The following PPP6R3 variants were observed in gnomAD, a reference collection of about 807,000 sequenced individuals.
PPP6R3 encodes the protein serine/threonine-protein phosphatase 6 regulatory subunit 3.
Under a neutral mutation model 110.7 loss-of-function variants are expected in PPP6R3, and 38 were observed. The observed-to-expected ratio is 0.34, with a 90% CI of 0.26 to 0.45. PPP6R3 has a LOEUF of 0.45. Among genes scored for constraint, PPP6R3 ranks in the 20% least tolerant of loss-of-function variants. The pLI is 1.00. For synonymous variants in PPP6R3, 369 were observed against 373.5 expected (o/e 0.99, Z 0.14); for missense variants, 870 against 1,062.4 (o/e 0.82, Z 2.52).
rs1170549277 is a variant in PPP6R3, at chr11:68,548,148, T to C, written c.496T>C (p.Leu166=). The part of the protein sequence containing the change: ...HIGTSAIMDL[L]LRLLTCIEPP... ...AGGAACTTCTGCTATCATGGATTTG[T>C]TGCTCAGGCTCCTGACGTGTATCGA... Residue 166 remains leucine, a synonymous_variant, in exon 5 of 24, where the codon TTG becomes CTG. Coordinates refer to ENST00000393800, the MANE Select transcript of PPP6R3 (RefSeq NM_001164161.2). 1 of 1,614,230 alleles carries C rather than the reference T, an allele frequency of 6.2e-7. No homozygotes were observed. The highest frequency in any genetic ancestry group is 1.1e-5 in the South Asian group (1 of 91,080).
chr11:68,466,437 T>TC (rs201623526), intron 1 of PPP6R3, among the ~76,000 whole-genome samples: 12 of 148,002 alleles, frequency 8.1e-5, no homozygotes, highest in African/African-American at 3.0e-4. Flanking sequence ...CATTTTCTTT[T>TC]TTTTTTTTTT....
intron 23 of PPP6R3, 71 bp downstream of exon 23, chr11:68,610,094 A>T: frequency 6.4e-7 from 1 of 1,567,194 alleles, no homozygotes; most frequent in Non-Finnish European, 8.6e-7. Context: ...GGGAGTTGGG[A>T]GGGGACTATA....
chr11:68,573,136 A>C (rs1256855140), intron 12 of PPP6R3, among the ~76,000 whole-genome samples: 2 of 109,536 alleles, frequency 1.8e-5, no homozygotes. Flanking sequence ...ATATATATAT[A>C]TATATATATA....
intron 15 of PPP6R3, among the ~76,000 whole-genome samples, chr11:68,583,606 C>G (rs1371955111): frequency 6.6e-6 from 1 of 152,214 alleles, no homozygotes; most frequent in Non-Finnish European, 1.5e-5. Context: ...ATTGCAACCC[C>G]TCTCTGCCTG....
chr11:68,610,434 A>G (rs1368899058), intron 23 of PPP6R3, among the ~76,000 whole-genome samples: 1 of 152,122 alleles, frequency 6.6e-6, no homozygotes, highest in Non-Finnish European at 1.5e-5. Context: ...CTATTTGCCC[A>G]CATTCCTGCC....
intron 7 of PPP6R3, among the ~76,000 whole-genome samples, chr11:68,557,084 A>G (rs910313765): frequency 1.3e-5 from 2 of 152,192 alleles, no homozygotes; most frequent in African/African-American, 4.8e-5. Context: ...TGCTGTCAGT[A>G]CCCCTCCACC....
At chr11:68,563,262 G>GT (rs1464510166) in intron 8 of PPP6R3, among the ~76,000 whole-genome samples, 2 of 152,310 alleles carry the variant, frequency 1.3e-5, no homozygotes, top group Non-Finnish European at 2.9e-5. Flanking sequence ...AGATCAAGGT[G>GT]TTGGTGGTGC....
intron 1 of PPP6R3, among the ~76,000 whole-genome samples, chr11:68,494,032 G>C (rs916533883): frequency 9.9e-5 from 15 of 151,408 alleles, no homozygotes; most frequent in Admixed American, 3.9e-4. Flanking sequence ...GAACCCGGGA[G>C]GAGGAGCTTG....
At chr11:68,545,372 CTTTGT>C (rs926634867) in intron 4 of PPP6R3, among the ~76,000 whole-genome samples, 2 of 152,150 alleles carry the variant, frequency 1.3e-5, no homozygotes, top group African/African-American at 2.4e-5. Context: ...CAAACAATTG[CTTTGT>C]TTTGTTTTTC....
At chr11:68,544,570 CTG>C (rs1227830502) in intron 3 of PPP6R3, among the ~76,000 whole-genome samples, 1 of 152,248 alleles carries the variant, frequency 6.6e-6, no homozygotes, top group African/African-American at 2.4e-5. Context: ...CATGACCTCT[CTG>C]GGCTTCTGAG....
intron 1 of PPP6R3, among the ~76,000 whole-genome samples, chr11:68,469,862 C>G (rs911928603): frequency 6.6e-6 from 1 of 152,182 alleles, no homozygotes; most frequent in African/African-American, 2.4e-5. Flanking sequence ...CTCTTTCTGA[C>G]CTCCCCAAGG....
At chr11:68,588,488 C>G (rs527336563) in intron 16 of PPP6R3, among the ~76,000 whole-genome samples, 1 of 151,956 alleles carries the variant, frequency 6.6e-6, no homozygotes, top group Non-Finnish European at 1.5e-5. Flanking sequence ...GACAGAGTCT[C>G]ATTCTGTTGC....
intron 5 of PPP6R3, 68 bp from the exon 6 acceptor site, chr11:68,551,053 T>G (rs2099370572): frequency 9.3e-7 from 1 of 1,080,018 alleles, no homozygotes; most frequent in African/African-American, 1.6e-5. Flanking sequence ...TCCAAGTATG[T>G]TAATCTACAT....
chr11:68,592,182 G>A (rs1001690362), intron 18 of PPP6R3, among the ~76,000 whole-genome samples: 6 of 151,830 alleles, frequency 4.0e-5, no homozygotes, highest in African/African-American at 1.5e-4. Context: ...CCGTATCACA[G>A]GAACCTAAAT....
intron 1 of PPP6R3, among the ~76,000 whole-genome samples, chr11:68,495,355 A>G (rs2099009085): frequency 6.6e-6 from 1 of 152,212 alleles, no homozygotes; most frequent in African/African-American, 2.4e-5. Context: ...CTTTATTGAG[A>G]CATAACTCAC....
At chr11:68,543,035 A>T (rs182637848) in intron 3 of PPP6R3, among the ~76,000 whole-genome samples, 1 of 152,174 alleles carries the variant, frequency 6.6e-6, no homozygotes, top group Non-Finnish European at 1.5e-5. Context: ...TATAGTGAAA[A>T]TAAAGAGGAA....
chr11:68,576,560 A>G (rs542595989), intron 14 of PPP6R3, among the ~76,000 whole-genome samples: 155 of 152,362 alleles, frequency 1.0e-3, no homozygotes, highest in African/African-American at 3.6e-3. Flanking sequence ...CCAGGGAATA[A>G]TGGCATTGAT....
intron 1 of PPP6R3, among the ~76,000 whole-genome samples, chr11:68,476,346 G>C (rs905604650): frequency 6.6e-6 from 1 of 151,978 alleles, no homozygotes; most frequent in Admixed American, 6.6e-5. Context: ...GCCTGCAATC[G>C]CAGGCACTGG....
At chr11:68,550,622 C>T (rs2099367065) in intron 5 of PPP6R3, among the ~76,000 whole-genome samples, 1 of 152,184 alleles carries the variant, frequency 6.6e-6, no homozygotes, top group African/African-American at 2.4e-5. Context: ...CTCCAGCCCC[C>T]ACGTTTCCTG....
Sources: allele counts gnomAD v4.1 joint callset (sites outside exome capture counted in the v4.1 genomes callset), GRCh38; gene constraint gnomAD v4.1.1; transcripts MANE v1.5; gene names NCBI Gene and HGNC (gene_info 2026-07-23, HGNC 2026-07-21).